Variants in CUL4A observed in about 807,000 individuals in gnomAD.
The protein encoded by CUL4A is cullin-4A.
Under a neutral mutation model 95.5 loss-of-function variants are expected in CUL4A, and 16 were observed. That is an observed-to-expected ratio of 0.17 (90% CI 0.11 to 0.25). The LOEUF (loss-of-function observed/expected upper bound fraction) is 0.25. CUL4A is among the 10% of genes least tolerant of loss of function. The pLI, the probability that CUL4A is intolerant of heterozygous loss-of-function variation, is 1.00. For missense variants in CUL4A, 610 were observed against 937.0 expected (o/e 0.65, Z 4.56); for synonymous variants, 380 against 353.1 (o/e 1.08, Z -0.85).
intron 2 of CUL4A, among the ~76,000 whole-genome samples, chr13:113,212,160 C>A (rs1213222646): frequency 6.6e-6 from 1 of 152,182 alleles, no homozygotes; most frequent in Non-Finnish European, 1.5e-5. Flanking sequence ...TGGTTATTTT[C>A]TTATTATTGA....
intron 3 of CUL4A, among the ~76,000 whole-genome samples, chr13:113,226,506 A>G (rs1415445706): frequency 6.6e-6 from 1 of 152,236 alleles, no homozygotes; most frequent in African/African-American, 2.4e-5. Context: ...GTTTATTGTC[A>G]TTGATGATTC....
At chr13:113,251,565 T>C (rs1235906637) in intron 15 of CUL4A, among the ~76,000 whole-genome samples, 1 of 152,122 alleles carries the variant, frequency 6.6e-6, no homozygotes. Flanking sequence ...GACCGGATCA[T>C]GGGGGCAGAT....
chr13:113,255,652 G>C (rs1174886281), intron 18 of CUL4A, among the ~76,000 whole-genome samples: 3 of 152,118 alleles, frequency 2.0e-5, no homozygotes, highest in African/African-American at 7.2e-5. Flanking sequence ...TACAGTTGGA[G>C]TCATAGTGTA....
In CUL4A at chr13:113,247,718, C is replaced by T. The variant is rs146435419; in HGVS notation, c.1638+1655C>T. 4.7e-4 allele frequency among the ~76,000 whole-genome samples: 72 copies of T among 152,302 alleles called. No individual in the cohort carries two copies. In the East Asian group the frequency reaches 0.013, roughly 27 times the overall value. On this transcript the variant is annotated intron_variant, in intron 15 of 19. Transcript: ENST00000375440. Reference sequence around the variant, plus strand: ...AGAAAGCCAGGCAGCCTGCTTTCCACGCTGGCCACGTGGTGCTGTCCCTTC... The same window carrying T: ...AGAAAGCCAGGCAGCCTGCTTTCCATGCTGGCCACGTGGTGCTGTCCCTTC...
At chr13:113,218,762 T>C (rs1408296106) in intron 2 of CUL4A, among the ~76,000 whole-genome samples, 183 bp from the exon 3 acceptor site, 2 of 152,250 alleles carry the variant, frequency 1.3e-5, no homozygotes, top group Non-Finnish European at 2.9e-5. Context: ...TGGACTGCAG[T>C]GTTCCAACGA....
chr13:113,237,311 G>C (rs958377558), intron 9 of CUL4A, among the ~76,000 whole-genome samples: 1 of 152,188 alleles, frequency 6.6e-6, no homozygotes, highest in African/African-American at 2.4e-5. Context: ...TGCGGACTTC[G>C]TGCATCTTAG....
chr13:113,230,049 TG>T (rs1410075711), intron 5 of CUL4A: 1 of 207,226 alleles, frequency 4.8e-6, no homozygotes, highest in African/African-American at 2.3e-5. Context: ...TGCTGACCCC[TG>T]TGTGTCCTCT....
chr13:113,256,788 A>G (rs1380325876), intron 18 of CUL4A, among the ~76,000 whole-genome samples: 1 of 151,852 alleles, frequency 6.6e-6, no homozygotes, highest in African/African-American at 2.4e-5. Flanking sequence ...TGCTCTTTTT[A>G]TGCTTAGCCA....
chr13:113,232,047 A>T (rs866822254), intron 5 of CUL4A, among the ~76,000 whole-genome samples: 2 of 131,090 alleles, frequency 1.5e-5, no homozygotes, highest in African/African-American at 3.0e-5. Flanking sequence ...TGCCACCACT[A>T]CCCGCCCACC....
At chr13:113,218,438 CTGT>C (rs2040774701) in intron 2 of CUL4A, among the ~76,000 whole-genome samples, 1 of 152,184 alleles carries the variant, frequency 6.6e-6, no homozygotes, top group Non-Finnish European at 1.5e-5. Context: ...AAGGCCCAGC[CTGT>C]TGTTCTCCTT....
chr13:113,208,768 A>C, upstream of CUL4A: 1 of 1,437,722 alleles, frequency 7.0e-7, no homozygotes, highest in East Asian at 2.7e-5. Context: ...TTCCGGAGGG[A>C]GAACCTGGGG....
intron 7 of CUL4A, 132 bp from the exon 8 acceptor site, chr13:113,234,929 CTG>C (rs1249784034): frequency 1.3e-5 from 8 of 631,338 alleles, no homozygotes; most frequent in East Asian, 8.4e-5. Flanking sequence ...CCCTGTTAAT[CTG>C]TGTTAATATT....
intron 3 of CUL4A, among the ~76,000 whole-genome samples, chr13:113,221,969 G>A (rs2040915123): frequency 6.6e-6 from 1 of 152,228 alleles, no homozygotes; most frequent in East Asian, 1.9e-4. Flanking sequence ...CAGGGGCGAA[G>A]CGATGTCTGG....
upstream of CUL4A, chr13:113,209,049 G>C (rs1159421271): frequency 6.4e-6 from 2 of 311,766 alleles, no homozygotes; most frequent in African/African-American, 2.3e-5. Context: ...GGAGGGGGAG[G>C]GGGAGGGACA....
Position 113,254,728 on chromosome 13 carries a change from A to C in CUL4A, c.1788A>C (p.Thr596=), listed in dbSNP as rs990404180. The C allele has an allele frequency of 2.0e-5, 32 of 1,612,826 alleles. No individual in the cohort carries two copies. The highest frequency in any genetic ancestry group is 2.7e-5 in the Non-Finnish European group (32 of 1,179,718). ...AATTCCAGGTGTCCCTCTTCCAGAC[A>C]CTGGTGCTCCTCATGTTCAACGAGG... ...KKEFQVSLFQ[T]LVLLMFNEGD... The change falls in exon 17 of 20, where the codon ACA becomes ACC. Residue 596 remains threonine, a synonymous_variant. Coordinates refer to ENST00000375440, the MANE Select transcript of CUL4A (RefSeq NM_001008895.4).
chr13:113,236,132 C>T lies in CUL4A; in HGVS notation c.849-691C>T, dbSNP rs545080175. ...GTGCAGAACTGGACTCAGTAAGGTG[C>T]GGAAAGGGGAAGGATTCTGACAGAA... On this transcript the variant is annotated intron_variant, in intron 8 of 19. Transcript: ENST00000375440. Among the ~76,000 whole-genome samples the T allele has an allele frequency of 5.9e-5, 9 of 152,068 alleles. No individual in the cohort carries two copies. The South Asian group carries it at 1.9e-3, about 32-fold the overall frequency.
rs61967894 is a variant in CUL4A at position 113,261,345 on chromosome 13, G to A, written c.2184+586G>A. ...CTCTGATGACGCCTGGCCTCTCAGG[G>A]ACAGGACCGGCCACACGTGCTTTGG... On this transcript the variant is annotated intron_variant, in intron 19 of 19. Transcript: ENST00000375440. 2.6e-3 allele frequency among the ~76,000 whole-genome samples: 400 copies of A among 152,292 alleles called. 3 individuals carry two copies. The highest frequency in any genetic ancestry group is 6.3e-3 in the Admixed American group (96 of 15,304).
chr13:113,229,985 G>T, intron 5 of CUL4A: 1 of 318,656 alleles, frequency 3.1e-6, no homozygotes, highest in Non-Finnish European at 5.7e-6. Flanking sequence ...ATACACCAGG[G>T]GTTCTGGGGC....
chr13:113,261,718 G>T (rs1404649486), intron 19 of CUL4A, among the ~76,000 whole-genome samples: 2 of 152,188 alleles, frequency 1.3e-5, no homozygotes, highest in Non-Finnish European at 2.9e-5. Context: ...GCAGACCAGG[G>T]CGCCCACTCT....
Sources: gnomAD v4.1 joint callset for allele counts (sites outside exome capture counted in the v4.1 genomes callset) on GRCh38, gnomAD v4.1.1 for gene constraint, MANE v1.5 for transcripts, NCBI Gene and HGNC (gene_info 2026-07-23, HGNC 2026-07-21) for gene names.